The following GRIK2 variants were observed in gnomAD, a reference collection of about 807,000 sequenced individuals.
GRIK2 encodes the protein glutamate receptor ionotropic, kainate 2.
GRIK2 carries 32 observed loss-of-function variants against 100.3 expected under a neutral mutation model. That is an observed-to-expected ratio of 0.32 (90% CI 0.24 to 0.43). The LOEUF (loss-of-function observed/expected upper bound fraction) is 0.43. GRIK2 is among the 20% of genes least tolerant of loss of function. GRIK2 has a pLI of 1.00. For synonymous variants in GRIK2, 417 were observed against 389.4 expected (o/e 1.07, Z -0.83); for missense variants, 843 against 1,114.9 (o/e 0.76, Z 3.47).
At chr6:101,675,295 A>G (rs974418898) in intron 4 of GRIK2, among the ~76,000 whole-genome samples, 4 of 93,556 alleles carry the variant, frequency 4.3e-5, no homozygotes, top group African/African-American at 1.3e-4. Flanking sequence ...GCACACGCAG[A>G]CACACACACA....
At chr6:102,042,344 A>G (rs1297279812) in intron 15 of GRIK2, among the ~76,000 whole-genome samples, 2 of 151,670 alleles carry the variant, frequency 1.3e-5, no homozygotes, top group African/African-American at 4.8e-5. Flanking sequence ...AGCTCTGTAA[A>G]ATAATGAACA....
At chr6:101,581,204 G>A (rs539231006) in intron 2 of GRIK2, among the ~76,000 whole-genome samples, 33 of 146,784 alleles carry the variant, frequency 2.2e-4, no homozygotes, top group Admixed American at 1.4e-3. Flanking sequence ...ATATATATAC[G>A]CATATATATA....
At chr6:101,478,088 A>G (rs181330071) in intron 2 of GRIK2, among the ~76,000 whole-genome samples, 30 of 152,294 alleles carry the variant, frequency 2.0e-4, no homozygotes, top group African/African-American at 7.2e-4. Context: ...CAAAAAGTAC[A>G]TTTTTGAATA....
intron 7 of GRIK2, among the ~76,000 whole-genome samples, chr6:101,759,859 AT>A (rs11320535): frequency 0.25 from 33,655 of 134,956 alleles, 6,025 homozygotes; most frequent in East Asian, 0.69. Flanking sequence ...TATTTTTTTT[AT>A]TTTTTTATTT....
At chr6:101,789,473 C>T (rs939102499) in intron 7 of GRIK2, among the ~76,000 whole-genome samples, 4 of 152,128 alleles carry the variant, frequency 2.6e-5, no homozygotes, top group African/African-American at 9.7e-5. Flanking sequence ...ATCCTTTCCC[C>T]ATTGCTTGTT....
At chr6:101,666,492 CA>C (rs1358640211) in intron 4 of GRIK2, among the ~76,000 whole-genome samples, 1 of 152,216 alleles carries the variant, frequency 6.6e-6, no homozygotes, top group African/African-American at 2.4e-5. Context: ...AAGCCTCTAC[CA>C]TGAATCACAT....
intron 7 of GRIK2, among the ~76,000 whole-genome samples, chr6:101,762,335 T>C (rs1777776964): frequency 6.6e-6 from 1 of 151,956 alleles, no homozygotes; most frequent in Admixed American, 6.6e-5. Flanking sequence ...TCATGAAGCC[T>C]GGCTAATTTT....
intron 4 of GRIK2, among the ~76,000 whole-genome samples, chr6:101,661,700 T>G (rs1769627824): frequency 6.6e-6 from 1 of 152,060 alleles, no homozygotes; most frequent in African/African-American, 2.4e-5. Context: ...CAGCACAGTC[T>G]CTCATGGCTT....
intron 7 of GRIK2, among the ~76,000 whole-genome samples, chr6:101,793,303 G>C (rs1316045181): frequency 2.0e-5 from 3 of 151,860 alleles, no homozygotes; most frequent in Non-Finnish European, 4.4e-5. Context: ...AGAGTTTCCA[G>C]TTTTTCTGCT....
At position 101,870,201 on chromosome 6, in the gene GRIK2, C is replaced by T. The variant is rs1340262; in HGVS notation, c.1524+10708C>T. Among the ~76,000 whole-genome samples the T allele has an allele frequency of 4.1e-4, 63 of 151,900 alleles. No homozygotes were observed. In the East Asian group the frequency reaches 0.011, roughly 26 times the overall value. ...CCAACATTTAGATTTAAAATATTCT[C>T]ATTTTACTTTGTGGCTTTCAATACA... is the stretch of plus-strand genomic sequence containing the variant. On this transcript the variant is annotated intron_variant, in intron 11 of 16. Transcript: ENST00000369134.
intron 7 of GRIK2, among the ~76,000 whole-genome samples, chr6:101,706,614 A>G (rs1773315239): frequency 6.6e-6 from 1 of 151,972 alleles, no homozygotes; most frequent in South Asian, 2.1e-4. Flanking sequence ...GACAGTTTTC[A>G]GACCGTGCTA....
chr6:101,930,182 C>T (rs1790169940), intron 14 of GRIK2, among the ~76,000 whole-genome samples: 1 of 151,622 alleles, frequency 6.6e-6, no homozygotes, highest in South Asian at 2.1e-4. Context: ...TCTCTACAAA[C>T]AGCCCAAAAA....
chr6:101,620,821 T>C (rs1394966722), intron 2 of GRIK2, among the ~76,000 whole-genome samples: 1 of 152,050 alleles, frequency 6.6e-6, no homozygotes, highest in Non-Finnish European at 1.5e-5. Flanking sequence ...AAACCAACAA[T>C]GATTCTTTTG....
chr6:101,593,293 T>C (rs1778761820), intron 2 of GRIK2, among the ~76,000 whole-genome samples: 1 of 151,944 alleles, frequency 6.6e-6, no homozygotes, highest in South Asian at 2.1e-4. Flanking sequence ...TTTCCCTAAC[T>C]CTCTGCTCTA....
chr6:101,887,170 A>G (rs140072957), intron 11 of GRIK2, among the ~76,000 whole-genome samples: 235 of 152,136 alleles, frequency 1.5e-3, no homozygotes, highest in African/African-American at 5.6e-3. Flanking sequence ...AATATTCTAT[A>G]TAAGAAGAGA....
chr6:101,460,193 A>C (rs2518228), intron 2 of GRIK2, among the ~76,000 whole-genome samples: 146,904 of 152,272 alleles, frequency 0.96, 70,897 homozygotes, highest in African/African-American at 0.99. Context: ...CCTTGTGAAA[A>C]CTTTTCTGGC....
intron 2 of GRIK2, among the ~76,000 whole-genome samples, chr6:101,439,902 G>C (rs1397493696): frequency 6.6e-6 from 1 of 152,038 alleles, no homozygotes; most frequent in Non-Finnish European, 1.5e-5. Context: ...CTTGTGAAAA[G>C]AAGACTCCTG....
intron 2 of GRIK2, among the ~76,000 whole-genome samples, chr6:101,410,235 A>G (rs75250108): frequency 1.7e-3 from 263 of 152,274 alleles, no homozygotes; most frequent in African/African-American, 5.7e-3. Flanking sequence ...TTTTATATAT[A>G]CATCATTCTT....
chr6:101,499,404 TCATAA>T (rs1773631859), intron 2 of GRIK2, among the ~76,000 whole-genome samples: 1 of 152,138 alleles, frequency 6.6e-6, no homozygotes, highest in African/African-American at 2.4e-5. Flanking sequence ...TTTATAGCTG[TCATAA>T]CATAAGGCTT....
Sources: allele counts gnomAD v4.1 joint callset (sites outside exome capture counted in the v4.1 genomes callset), GRCh38; gene constraint gnomAD v4.1.1; transcripts MANE v1.5; gene names NCBI Gene and HGNC (gene_info 2026-07-23, HGNC 2026-07-21).